GLRB: variants seen among roughly 807,000 people sequenced by gnomAD.
GLRB encodes the protein glycine receptor subunit beta.
In GLRB, 33 loss-of-function variants were observed where a neutral mutation model predicts 54.2. The observed-to-expected ratio is 0.61, with a 90% CI of 0.46 to 0.81. GLRB has a LOEUF of 0.81. Among genes scored for constraint, GLRB ranks in the 40% least tolerant of loss-of-function variants. The pLI is 0.00. For missense variants in GLRB, 572 were observed against 584.6 expected, an observed-to-expected ratio of 0.98 and a Z score of 0.22; for synonymous variants, 209 against 208.2, an observed-to-expected ratio of 1.00 and a Z score of -0.03.
At chr4:157,143,439 C>G (rs1456069790) in intron 7 of GLRB, among the ~76,000 whole-genome samples, 1 of 151,822 alleles carries the variant, frequency 6.6e-6, no homozygotes, top group Admixed American at 6.6e-5. Flanking sequence ...CTTTGATTTA[C>G]TACTGCCTGT....
Position 157,120,566 on chromosome 4 carries a change from GCAGAGGA to G in GLRB, c.135_141del (p.Glu46LeufsTer13). The G allele has an allele frequency of 6.3e-7, 1 of 1,575,698 alleles. No homozygotes were observed. Among genetic ancestry groups the G allele is most frequent in the Non-Finnish European group, 8.7e-7 (1 of 1,147,096 alleles). On this transcript the variant is annotated frameshift_variant, in exon 3 of 10. Coordinates refer to ENST00000264428, the MANE Select transcript of GLRB (RefSeq NM_000824.5). LOFTEE classifies it high-confidence loss of function. The stretch of plus-strand genomic sequence containing the variant: ...TTCTCTCTCTTATAGTCAGCAGTCA[GCAGAGGA>G]CCTTGCCCGAGTACCTGCCAACTCC...
chr4:157,078,046 G>A lies in GLRB; in HGVS notation c.22G>A (p.Ala8Thr). 1 of 1,610,750 alleles carries A rather than the reference G, an allele frequency of 6.2e-7. No individual in the cohort carries two copies. Among genetic ancestry groups the A allele is most frequent in the South Asian group, 1.1e-5 (1 of 90,986 alleles). MKFLLTT[A>T]FLILISLWVE... ...CAAGATGAAGTTTTTATTGACAACTGCCTTTTTAATTTTAATTTCCTTGTG... is the reference window on the plus strand; with the variant it reads ...CAAGATGAAGTTTTTATTGACAACTACCTTTTTAATTTTAATTTCCTTGTG... The change falls in exon 2 of 10, where the codon GCC becomes ACC. Residue 8 changes from alanine to threonine, a missense_variant. Coordinates refer to ENST00000264428, the MANE Select transcript of GLRB (RefSeq NM_000824.5).
rs982238868 is a variant in GLRB, at chr4:157,171,443, A to T, written c.*715A>T. On this transcript the variant is annotated 3_prime_UTR_variant, in exon 10 of 10. Coordinates refer to ENST00000264428, the MANE Select transcript of GLRB (RefSeq NM_000824.5). ...CTTATTGACGAAATATTTAGGATAA[A>T]CAAAATTCTATTTAATCCACCTTAA... 4 of 152,328 alleles carry T rather than the reference A, an allele frequency of 2.6e-5. No homozygotes were observed. Among genetic ancestry groups the T allele is most frequent in the African/African-American group, 9.7e-5 (4 of 41,450 alleles). The allele number at this position is 152,328 out of a possible 1,614,324, so 9.4% of individuals were successfully genotyped here.
intron 2 of GLRB, among the ~76,000 whole-genome samples, chr4:157,104,333 C>G (rs578021421): frequency 6.6e-6 from 1 of 152,110 alleles, no homozygotes; most frequent in South Asian, 2.1e-4. Context: ...ATCCTTCATT[C>G]TGTTGATTTG....
intron 4 of GLRB, among the ~76,000 whole-genome samples, chr4:157,134,131 A>G (rs1736315525): frequency 6.6e-6 from 1 of 152,092 alleles, no homozygotes; most frequent in African/African-American, 2.4e-5. Flanking sequence ...AAATACTAGC[A>G]TTTCTTTAAT....
At chr4:157,134,442 A>C (rs1736327134) in intron 4 of GLRB, among the ~76,000 whole-genome samples, 1 of 151,988 alleles carries the variant, frequency 6.6e-6, no homozygotes, top group Non-Finnish European at 1.5e-5. Context: ...GTGAGCTGTG[A>C]TAGTTTCACT....
At chr4:157,081,257 G>A (rs1460172805) in intron 2 of GLRB, among the ~76,000 whole-genome samples, 1 of 151,774 alleles carries the variant, frequency 6.6e-6, no homozygotes, top group Non-Finnish European at 1.5e-5. Context: ...TTAATCTTTT[G>A]GTCTTTCCTC....
At chr4:157,152,156 C>T (rs1394882838) in intron 8 of GLRB, among the ~76,000 whole-genome samples, 1 of 152,236 alleles carries the variant, frequency 6.6e-6, no homozygotes, top group Admixed American at 6.5e-5. Context: ...ATGGAGCAGA[C>T]CTTCATACCT....
In GLRB at chr4:157,143,950, G is replaced by A. The variant is rs765199715; in HGVS notation, c.895G>A (p.Val299Met). ...WINPDASAAR[V>M]PLGIFSVLSL... ...CAACCCGGACGCGAGTGCTGCCAGA[G>A]TGCCCCTGGGTAAGGTGTTCCATGC... Residue 299 changes from valine (V) to methionine (M), a missense_variant, in exon 8 of 10, where the codon GTG (valine) becomes ATG (methionine). Val to Met is a conservative substitution (Grantham distance 21). Coordinates refer to ENST00000264428, the MANE Select transcript of GLRB (RefSeq NM_000824.5). 2 of 1,613,956 alleles carry A rather than the reference G, an allele frequency of 1.2e-6. No individual in the cohort carries two copies. Among genetic ancestry groups the A allele is most frequent in the Non-Finnish European group, 1.7e-6 (2 of 1,179,926 alleles).
chr4:157,092,418 G>A (rs1429259053), intron 2 of GLRB, among the ~76,000 whole-genome samples: 2 of 152,124 alleles, frequency 1.3e-5, no homozygotes, highest in Non-Finnish European at 2.9e-5. Flanking sequence ...TCTACAAGTT[G>A]GATTACCTAT....
intron 2 of GLRB, among the ~76,000 whole-genome samples, chr4:157,095,649 A>G (rs1734781929): frequency 6.6e-6 from 1 of 152,200 alleles, no homozygotes; most frequent in Non-Finnish European, 1.5e-5. Context: ...GGACATGGTG[A>G]AACCCTATCT....
At chr4:157,132,649 C>A (rs1309521314) in intron 4 of GLRB, among the ~76,000 whole-genome samples, 1 of 151,860 alleles carries the variant, frequency 6.6e-6, no homozygotes, top group Non-Finnish European at 1.5e-5. Context: ...CTTGTTTAAT[C>A]ATCACTTCCT....
At chr4:157,095,395 T>C (rs946873869) in intron 2 of GLRB, among the ~76,000 whole-genome samples, 7 of 152,088 alleles carry the variant, frequency 4.6e-5, no homozygotes, top group Non-Finnish European at 7.3e-5. Flanking sequence ...AACAAGAGTT[T>C]AGTTCTGGAT....
intron 2 of GLRB, among the ~76,000 whole-genome samples, chr4:157,107,065 G>A (rs1735252200): frequency 6.6e-6 from 1 of 151,892 alleles, no homozygotes; most frequent in South Asian, 2.1e-4. Context: ...ATGAACTTTG[G>A]TGTTACTGTT....
At chr4:157,104,463 A>G in intron 2 of GLRB, among the ~76,000 whole-genome samples, 1 of 150,306 alleles carries the variant, frequency 6.7e-6, no homozygotes, top group East Asian at 1.9e-4. Flanking sequence ...GTTTGTTAGT[A>G]TTTTGTTTAG....
At chr4:157,096,943 A>T (rs1734835501) in intron 2 of GLRB, among the ~76,000 whole-genome samples, 1 of 152,210 alleles carries the variant, frequency 6.6e-6, no homozygotes, top group Admixed American at 6.5e-5. Flanking sequence ...TGTGATGCTT[A>T]AATTATTTGT....
chr4:157,144,139 A>G (rs1307549802), intron 8 of GLRB, among the ~76,000 whole-genome samples, 180 bp downstream of exon 8: 3 of 152,326 alleles, frequency 2.0e-5, no homozygotes, highest in East Asian at 3.9e-4. Flanking sequence ...TATGCACTCT[A>G]TAATTAAGCT....
intron 2 of GLRB, among the ~76,000 whole-genome samples, chr4:157,087,128 A>G (rs1187513548): frequency 3.9e-5 from 6 of 152,176 alleles, no homozygotes; most frequent in Non-Finnish European, 8.8e-5. Context: ...TAGTTCAAAG[A>G]AAATTAAATG....
chr4:157,124,032 G>C (rs113884178), intron 4 of GLRB, among the ~76,000 whole-genome samples: 2 of 151,572 alleles, frequency 1.3e-5, no homozygotes, highest in Admixed American at 1.3e-4. Flanking sequence ...AAGGAATTCT[G>C]GTAGGTCTCA....
Sources: allele counts gnomAD v4.1 joint callset (sites outside exome capture counted in the v4.1 genomes callset), GRCh38; gene constraint gnomAD v4.1.1; transcripts MANE v1.5; gene names NCBI Gene and HGNC (gene_info 2026-07-23, HGNC 2026-07-21).